Variants in NEK7 observed in about 807,000 individuals in gnomAD.
NEK7 encodes serine/threonine-protein kinase Nek7.
Under a neutral mutation model 44.6 loss-of-function variants are expected in NEK7, and 18 were observed. The ratio of observed to expected loss-of-function variants is 0.40; its 90% confidence interval spans 0.28 to 0.60. The LOEUF (loss-of-function observed/expected upper bound fraction) is 0.60, where lower values mean the gene tolerates loss of function less well. Among genes scored for constraint, NEK7 ranks in the 20% least tolerant of loss-of-function variants. NEK7 has a pLI of 0.38. For synonymous variants in NEK7, 130 were observed against 121.1 expected, an observed-to-expected ratio of 1.07 and a Z score of -0.48; for missense variants, 256 against 366.5, an observed-to-expected ratio of 0.70 and a Z score of 2.46.
At chr1:198,251,766 TTTC>T (rs1487423262) in intron 2 of NEK7, among the ~76,000 whole-genome samples, 2 of 152,018 alleles carry the variant, frequency 1.3e-5, no homozygotes, top group Non-Finnish European at 2.9e-5. Flanking sequence ...TCTTCTCTCT[TTTC>T]TTCTTTATTA....
chr1:198,157,751 TGGGAGCCGGCAG>T (rs1558034664), intron 1 of NEK7, among the ~76,000 whole-genome samples: 2 of 152,024 alleles, frequency 1.3e-5, no homozygotes, highest in African/African-American at 4.8e-5. Context: ...GAGTGGGTGG[TGGGAGCCGGCAG>T]ATAGGGGAGA....
At chr1:198,172,342 T>A (rs1664474803) in intron 1 of NEK7, among the ~76,000 whole-genome samples, 1 of 152,194 alleles carries the variant, frequency 6.6e-6, no homozygotes, top group Non-Finnish European at 1.5e-5. Flanking sequence ...GGACACTTAA[T>A]TTATGTCTAG....
intron 1 of NEK7, among the ~76,000 whole-genome samples, chr1:198,226,334 CA>C (rs1469022646): frequency 1.3e-5 from 2 of 151,996 alleles, no homozygotes; most frequent in Non-Finnish European, 2.9e-5. Context: ...CACCTGAGGT[CA>C]GGAGTTCCAG....
At chr1:198,301,996 G>A (rs921423094) in intron 9 of NEK7, among the ~76,000 whole-genome samples, 11 of 152,062 alleles carry the variant, frequency 7.2e-5, no homozygotes, top group Non-Finnish European at 1.5e-5. Context: ...TCTGATTAAC[G>A]CTTTTTTAGG....
At chr1:198,161,990 T>TA (rs1226838997) in intron 1 of NEK7, among the ~76,000 whole-genome samples, 2 of 152,076 alleles carry the variant, frequency 1.3e-5, no homozygotes, top group Non-Finnish European at 2.9e-5. Context: ...AACATTAACT[T>TA]AGTCTTTCAA....
At chr1:198,239,929 A>T (rs1360198472) in intron 2 of NEK7, among the ~76,000 whole-genome samples, 1 of 152,208 alleles carries the variant, frequency 6.6e-6, no homozygotes, top group Non-Finnish European at 1.5e-5. Context: ...ACAAAGCTGC[A>T]CAGTGTGTTA....
rs985799302 is a variant in NEK7, at chr1:198,251,127, A to C, written c.58-1913A>C. Among the ~76,000 whole-genome samples the C allele has an allele frequency of 9.9e-5, 15 of 151,802 alleles. No individual in the cohort carries two copies. The South Asian group carries it at 1.0e-3, about 11-fold the overall frequency. ...TTTGTCAAAGGCCTTTTCTGCATCTATTGAGATAATCATGTGGTTTTTGTC... is the reference window on the plus strand; with the variant it reads ...TTTGTCAAAGGCCTTTTCTGCATCTCTTGAGATAATCATGTGGTTTTTGTC... On this transcript the variant is annotated intron_variant, in intron 2 of 9. Coordinates refer to ENST00000367385, the MANE Select transcript of NEK7 (RefSeq NM_133494.3).
rs139384996 is a variant in NEK7 at position 198,227,347 on chromosome 1, A to C, written c.-28-5206A>C. 8.4e-3 allele frequency among the ~76,000 whole-genome samples: 1,285 copies of C among 152,334 alleles called. 23 individuals carry two copies. Among genetic ancestry groups the C allele is most frequent in the African/African-American group, 0.029 (1,226 of 41,566 alleles). On this transcript the variant is annotated intron_variant, in intron 1 of 9. Coordinates refer to ENST00000367385, the MANE Select transcript of NEK7 (RefSeq NM_133494.3). The stretch of plus-strand genomic sequence containing the variant: ...TAAACATACGTGTGCATGTGTCTTC[A>C]TAGCAGCATGATTTATAATCCTTTG...
rs540378229 is a variant in NEK7, at chr1:198,314,252, C to T, written c.799-5160C>T. On this transcript the variant is annotated intron_variant, in intron 9 of 9. Coordinates refer to ENST00000367385, the MANE Select transcript of NEK7 (RefSeq NM_133494.3). Reference sequence around the variant, plus strand: ...GCTCCTGAGGCTTCTGCATTCTTCACGTAGTTCTCGAGCCTTGGTTTTCAG... The same window carrying T: ...GCTCCTGAGGCTTCTGCATTCTTCATGTAGTTCTCGAGCCTTGGTTTTCAG... Among the ~76,000 whole-genome samples, 42 of 152,318 alleles carry T rather than the reference C, an allele frequency of 2.8e-4. 1 individual carries two copies. In the East Asian group the frequency reaches 6.5e-3, roughly 24 times the overall value.
intron 7 of NEK7, among the ~76,000 whole-genome samples, chr1:198,289,007 C>T (rs1435684525): frequency 1.3e-5 from 2 of 152,098 alleles, no homozygotes; most frequent in Non-Finnish European, 2.9e-5. Flanking sequence ...TCTATATTGA[C>T]CTCAGTTAAT....
intron 5 of NEK7, among the ~76,000 whole-genome samples, chr1:198,271,905 T>TTTTTTATA (rs751259588): frequency 6.4e-5 from 9 of 141,398 alleles, no homozygotes; most frequent in East Asian, 2.1e-4. Flanking sequence ...AATTTATATT[T>TTTTTTATA]TATATATATA....
chr1:198,253,517 A>T (rs573190936), intron 3 of NEK7, among the ~76,000 whole-genome samples: 1 of 152,160 alleles, frequency 6.6e-6, no homozygotes, highest in East Asian at 1.9e-4. Context: ...AGCTATAGGC[A>T]CTGTAGTCAG....
intron 9 of NEK7, among the ~76,000 whole-genome samples, chr1:198,314,808 C>G (rs148675519): frequency 0.034 from 5,170 of 152,250 alleles, 131 homozygotes; most frequent in Non-Finnish European, 0.049. Context: ...CTCCAGCTGC[C>G]TGCTGGGAGA....
intron 2 of NEK7, among the ~76,000 whole-genome samples, chr1:198,250,467 G>C (rs1392722782): frequency 6.6e-6 from 1 of 151,608 alleles, no homozygotes; most frequent in Non-Finnish European, 1.5e-5. Context: ...AAATTACCTT[G>C]GGCAGTATGG....
At chr1:198,158,843 G>A (rs1025030239) in intron 1 of NEK7, among the ~76,000 whole-genome samples, 2 of 152,072 alleles carry the variant, frequency 1.3e-5, no homozygotes, top group Non-Finnish European at 2.9e-5. Flanking sequence ...TTAGAACAGC[G>A]GCATCCTCTA....
intron 1 of NEK7, among the ~76,000 whole-genome samples, chr1:198,208,933 TG>T (rs1432544026): frequency 6.6e-6 from 1 of 152,024 alleles, no homozygotes; most frequent in Non-Finnish European, 1.5e-5. Context: ...GCTTAGATGT[TG>T]GGTTCGCTTT....
At chr1:198,179,874 T>A (rs1664710568) in intron 1 of NEK7, among the ~76,000 whole-genome samples, 1 of 152,106 alleles carries the variant, frequency 6.6e-6, no homozygotes, top group Non-Finnish European at 1.5e-5. Context: ...CAAAGTAGAC[T>A]GAACTTAAAC....
intron 2 of NEK7, among the ~76,000 whole-genome samples, chr1:198,251,935 T>C (rs1571574170): frequency 6.6e-6 from 1 of 152,016 alleles, no homozygotes; most frequent in African/African-American, 2.4e-5. Context: ...TGTGTTTGCT[T>C]TTGCTTTTCT....
Position 198,232,880 on chromosome 1 carries a change from ATATAT to A in NEK7, c.57+247_57+251del, listed in dbSNP as rs556689416. Among the ~76,000 whole-genome samples the A allele has an allele frequency of 7.3e-5, 11 of 151,150 alleles. No homozygotes were observed. In the East Asian group the frequency reaches 1.7e-3, roughly 24 times the overall value. On this transcript the variant is annotated intron_variant, in intron 2 of 9. Coordinates refer to ENST00000367385, the MANE Select transcript of NEK7 (RefSeq NM_133494.3). ...TTTTAGATATAATTATTTATGTGTA[ATATAT>A]TATTTATTTTAATTGATACAGTACA... is the stretch of plus-strand genomic sequence containing the variant.
Sources: allele counts gnomAD v4.1 joint callset (sites outside exome capture counted in the v4.1 genomes callset), GRCh38; gene constraint gnomAD v4.1.1; transcripts MANE v1.5; gene names NCBI Gene and HGNC (gene_info 2026-07-23, HGNC 2026-07-21).